Variants in TOM1L1 observed in about 807,000 individuals in gnomAD.
TOM1L1 encodes TOM1-like protein 1.
Under a neutral mutation model 63.4 loss-of-function variants are expected in TOM1L1, and 64 were observed. The ratio of observed to expected loss-of-function variants is 1.01; its 90% CI spans 0.83 to 1.24. The LOEUF (loss-of-function observed/expected upper bound fraction) is 1.24. Ranked by LOEUF, TOM1L1 falls within the 50% of genes most tolerant of loss-of-function variation. The probability of loss-of-function intolerance (pLI) is 0.00; values close to 1 mark genes in which losing one functional copy is unlikely to be tolerated. For missense variants in TOM1L1, 536 were observed against 567.0 expected (o/e 0.95, Z 0.55); for synonymous variants, 166 against 194.4 (o/e 0.85, Z 1.22).
chr17:54,906,876 C>G, intron 3 of TOM1L1: 1 of 925,206 alleles, frequency 1.1e-6, no homozygotes, highest in Non-Finnish European at 1.3e-6. Flanking sequence ...ATTCTGCACG[C>G]CTTTGTTTAT....
At chr17:54,903,135 G>T (rs1381381063) in intron 1 of TOM1L1, among the ~76,000 whole-genome samples, 1 of 152,138 alleles carries the variant, frequency 6.6e-6, no homozygotes, top group Non-Finnish European at 1.5e-5. Context: ...CAATGTTTTG[G>T]CTCCTAAGAA....
At chr17:54,906,033 G>A (rs2048402973) in intron 3 of TOM1L1, among the ~76,000 whole-genome samples, 1 of 152,130 alleles carries the variant, frequency 6.6e-6, no homozygotes, top group African/African-American at 2.4e-5. Flanking sequence ...AGCCAGATGT[G>A]GTGGCCTGCA....
At position 54,912,807 on chromosome 17, in the gene TOM1L1, T is replaced by A; in HGVS notation, c.364T>A (p.Phe122Ile). 1 of 1,603,356 alleles carries A rather than the reference T, an allele frequency of 6.2e-7. No individual in the cohort carries two copies. Among genetic ancestry groups the A allele is most frequent in the Non-Finnish European group, 8.5e-7 (1 of 1,176,876 alleles). Residue 122 changes from phenylalanine (F) to isoleucine (I), a missense_variant, in exon 4 of 16, where the codon TTC (phenylalanine) becomes ATC (isoleucine). By Grantham distance (21) the Phe-to-Ile change is conservative (BLOSUM62 0). Coordinates refer to ENST00000575882, the MANE Select transcript of TOM1L1 (RefSeq NM_005486.3). ...PLDIQNRILN[F>I]IKTWSQGFPG... ...AGACATTCAGAATAGAATCTTGAAT[T>A]TCATTAAGGTAAGTCTGTTGTATAC... is the stretch of plus-strand genomic sequence containing the variant.
In TOM1L1 at chr17:54,902,474, G is replaced by C. The variant is rs552186033; in HGVS notation, c.59-1234G>C. Among the ~76,000 whole-genome samples the C allele has an allele frequency of 9.3e-4, 142 of 152,184 alleles. 4 individuals carry two copies. The South Asian group carries it at 0.029, about 31-fold the overall frequency. On this transcript the variant is annotated intron_variant, in intron 1 of 15. Transcript: ENST00000575882. Reference sequence around the variant, plus strand: ...CAGGCTAATTTTTGTATTTTTAGTAGAGATGGAGTTTCACCATGCTGGCCA... The same window carrying C: ...CAGGCTAATTTTTGTATTTTTAGTACAGATGGAGTTTCACCATGCTGGCCA...
chr17:54,905,349 A>G (rs1228419723), intron 2 of TOM1L1, 140 bp from the exon 3 acceptor site: 3 of 597,568 alleles, frequency 5.0e-6, no homozygotes, highest in Non-Finnish European at 9.0e-6. Context: ...AGTCATTCGC[A>G]TAGGGTCCCA....
chr17:54,961,839 C>G lies in TOM1L1; in HGVS notation c.*606C>G. 1 of 980,924 alleles carries G rather than the reference C, an allele frequency of 1.0e-6. No individual in the cohort carries two copies. The highest frequency in any genetic ancestry group is 1.2e-6 in the Non-Finnish European group (1 of 825,678). 60.8% of individuals were successfully genotyped at this position (980,924 alleles called of 1,614,324 possible). On this transcript the variant is annotated 3_prime_UTR_variant, in exon 16 of 16. Coordinates refer to ENST00000575882, the MANE Select transcript of TOM1L1 (RefSeq NM_005486.3). ...CCTTTAAATATGATTCTTTGTAATG[C>G]TAAATAGCCTTTTTTTCTCTTTTTA...
intron 7 of TOM1L1, among the ~76,000 whole-genome samples, chr17:54,919,776 C>A (rs992821107): frequency 1.3e-5 from 2 of 150,166 alleles, no homozygotes; most frequent in African/African-American, 4.9e-5. Context: ...GTGGGGAGTG[C>A]TATTCTTAAT....
chr17:54,937,194 T>A lies in TOM1L1; in HGVS notation c.1001T>A (p.Leu334His), dbSNP rs2048963493. Residue 334 changes from leucine (L) to histidine (H), a missense_variant, in exon 10 of 16, where the codon CTC (leucine) becomes CAC (histidine). Coordinates refer to ENST00000575882, the MANE Select transcript of TOM1L1 (RefSeq NM_005486.3). ...ATGCCTAGGGCCACTCTGGGAGAAC[T>A]CAACACCATGAATAATCAACTTTCA... is the stretch of plus-strand genomic sequence containing the variant. The part of the protein sequence containing the change: ...PRMPRATLGE[L>H]NTMNNQLSGL... 6.2e-7 allele frequency: 1 copy of A among 1,613,688 alleles called. No individual in the cohort carries two copies.
intron 8 of TOM1L1, chr17:54,936,360 TA>T (rs2048946018): frequency 3.8e-6 from 1 of 265,338 alleles, no homozygotes; most frequent in African/African-American, 2.2e-5. Context: ...CAACTAAGCT[TA>T]AAAATAGATG....
chr17:54,904,369 C>CAAAAAAAAAAAAAAAAAAAAAAATAAAAA (rs1165559722), intron 2 of TOM1L1, among the ~76,000 whole-genome samples: 1 of 78,166 alleles, frequency 1.3e-5, no homozygotes. Context: ...GACTCTATCT[C>CAAAAAAAAAAAAAAAAAAAAAAATAAAAA]AAAAAAAAAA....
chr17:54,943,775 G>C (rs965617986), intron 11 of TOM1L1, among the ~76,000 whole-genome samples: 1 of 151,578 alleles, frequency 6.6e-6, no homozygotes, highest in Non-Finnish European at 1.5e-5. Context: ...TCAGGAGATC[G>C]AGACCATCCT....
At chr17:54,921,019 T>C (rs899580539) in intron 7 of TOM1L1, among the ~76,000 whole-genome samples, 2 of 152,128 alleles carry the variant, frequency 1.3e-5, no homozygotes, top group East Asian at 3.9e-4. Context: ...CTGACTTTCA[T>C]AGGGCGTAGT....
At chr17:54,945,341 C>A (rs2049100306) in intron 11 of TOM1L1, among the ~76,000 whole-genome samples, 1 of 152,192 alleles carries the variant, frequency 6.6e-6, no homozygotes, top group South Asian at 2.1e-4. Context: ...AGAATTAGGA[C>A]ATGAGCATAG....
chr17:54,904,380 A>G (rs2048377298), intron 2 of TOM1L1, among the ~76,000 whole-genome samples: 1 of 151,898 alleles, frequency 6.6e-6, no homozygotes, highest in Non-Finnish European at 1.5e-5. Context: ...AAAAAAAAAA[A>G]AAAAAAAAAA....
intron 4 of TOM1L1, 41 bp from the exon 5 acceptor site, chr17:54,913,707 G>A: frequency 1.3e-6 from 2 of 1,518,018 alleles, no homozygotes; most frequent in Middle Eastern, 1.8e-4. Context: ...TGGTTTTGTT[G>A]CTGTTTTAAC....
intron 8 of TOM1L1, among the ~76,000 whole-genome samples, chr17:54,935,383 A>G (rs1370100430): frequency 6.6e-6 from 1 of 152,152 alleles, no homozygotes; most frequent in Non-Finnish European, 1.5e-5. Flanking sequence ...GTGATTCTTC[A>G]GTTGGTTCAG....
intron 7 of TOM1L1, among the ~76,000 whole-genome samples, chr17:54,919,293 A>G (rs745684142): frequency 5.1e-4 from 78 of 152,274 alleles, no homozygotes; most frequent in Middle Eastern, 3.4e-3. Flanking sequence ...GGCAGATAAT[A>G]TTTTTTAAAT....
chr17:54,911,447 A>G (rs2048495616), intron 3 of TOM1L1, among the ~76,000 whole-genome samples: 1 of 152,042 alleles, frequency 6.6e-6, no homozygotes. Flanking sequence ...CTAAACACCT[A>G]CTTAAATGCC....
intron 11 of TOM1L1, among the ~76,000 whole-genome samples, chr17:54,946,570 A>G (rs751251818): frequency 6.6e-6 from 1 of 152,194 alleles, no homozygotes; most frequent in Non-Finnish European, 1.5e-5. Context: ...TTGGGTTGTG[A>G]GAAAACAGAG....
Sources: gnomAD v4.1 joint callset for allele counts (sites outside exome capture counted in the v4.1 genomes callset) on GRCh38, gnomAD v4.1.1 for gene constraint, MANE v1.5 for transcripts, NCBI Gene and HGNC (gene_info 2026-07-23, HGNC 2026-07-21) for gene names.